The following ATP8A1 variants were observed in gnomAD, a reference collection of about 807,000 sequenced individuals.
ATP8A1 encodes ATPase phospholipid transporting 8A1.
In ATP8A1, 90 loss-of-function variants were observed where a neutral mutation model predicts 177.7. The ratio of observed to expected loss-of-function variants is 0.51; its 90% CI spans 0.43 to 0.60. The LOEUF (loss-of-function observed/expected upper bound fraction) is 0.60, where lower values mean the gene tolerates loss of function less well. ATP8A1 is among the 20% of genes least tolerant of loss of function. The probability of loss-of-function intolerance (pLI) is 0.00; values close to 1 mark genes in which losing one functional copy is unlikely to be tolerated. For missense variants in ATP8A1, 1,072 were observed against 1,392.8 expected (o/e 0.77, Z 3.67); for synonymous variants, 493 against 485.9 (o/e 1.01, Z -0.19).
chr4:42,591,792 C>G (rs557574977), intron 6 of ATP8A1, among the ~76,000 whole-genome samples: 13 of 152,168 alleles, frequency 8.5e-5, no homozygotes, highest in Admixed American at 6.5e-5. Context: ...TAATTTCAAA[C>G]TACCTCACAG....
At chr4:42,608,952 A>C (rs1736098084) in intron 5 of ATP8A1, among the ~76,000 whole-genome samples, 1 of 152,242 alleles carries the variant, frequency 6.6e-6, no homozygotes, top group Non-Finnish European at 1.5e-5. Context: ...GCACAAACTG[A>C]CATGGCACAG....
chr4:42,420,251 C>A (rs1713741120), intron 35 of ATP8A1, among the ~76,000 whole-genome samples: 1 of 152,210 alleles, frequency 6.6e-6, no homozygotes, highest in South Asian at 2.1e-4. Context: ...ACTATGGTTA[C>A]ACTGATCATT....
chr4:42,418,807 A>G (rs1713532966), intron 35 of ATP8A1, among the ~76,000 whole-genome samples: 1 of 152,242 alleles, frequency 6.6e-6, no homozygotes, highest in African/African-American at 2.4e-5. Context: ...GTAATATGGT[A>G]GGTGGCATAC....
chr4:42,453,604 T>A (rs927152213), intron 29 of ATP8A1, among the ~76,000 whole-genome samples: 2 of 152,228 alleles, frequency 1.3e-5, no homozygotes, highest in African/African-American at 4.8e-5. Context: ...CACAAAAATG[T>A]GTCCAAGTTG....
At chr4:42,518,759 T>C (rs192386399) in intron 22 of ATP8A1, among the ~76,000 whole-genome samples, 63 of 152,294 alleles carry the variant, frequency 4.1e-4, no homozygotes, top group Non-Finnish European at 7.9e-4. Flanking sequence ...ATAAACAGCA[T>C]GTCTCAGTTA....
At chr4:42,491,829 A>C (rs2153190616) in intron 24 of ATP8A1, among the ~76,000 whole-genome samples, 1 of 152,338 alleles carries the variant, frequency 6.6e-6, no homozygotes, top group Non-Finnish European at 1.5e-5. Context: ...GTTTACAGGA[A>C]AGACAGTATT....
intron 27 of ATP8A1, 31 bp downstream of exon 27, chr4:42,464,659 G>T: frequency 7.7e-7 from 1 of 1,302,708 alleles, no homozygotes; most frequent in South Asian, 1.4e-5. Flanking sequence ...GTATGCAAAT[G>T]ACAAGGATTT....
intron 33 of ATP8A1, among the ~76,000 whole-genome samples, chr4:42,428,988 A>T (rs960422786): frequency 1.3e-5 from 2 of 152,112 alleles, no homozygotes. Context: ...TACTCTCTTA[A>T]TTCTCATGAT....
Position 42,409,706 on chromosome 4 carries a change from T to C in ATP8A1, c.*3210A>G, listed in dbSNP as rs534599389. Reference sequence around the variant, plus strand: ...TTAAAACTATGAATAATACAATCTATTACTTTCTGACTAGCATTCATTTCC... The same window carrying C: ...TTAAAACTATGAATAATACAATCTACTACTTTCTGACTAGCATTCATTTCC... On this transcript the variant is annotated 3_prime_UTR_variant, in exon 37 of 37. Coordinates refer to ENST00000381668, the MANE Select transcript of ATP8A1 (RefSeq NM_006095.2). The C allele has an allele frequency of 2.0e-5, 3 of 152,308 alleles. No homozygotes were observed. Among genetic ancestry groups the C allele is most frequent in the Non-Finnish European group, 2.9e-5 (2 of 67,990 alleles). The allele number at this position is 152,308 out of a possible 1,614,324, so 9.4% of individuals were successfully genotyped here.
At chr4:42,649,013 A>G (rs967588586) in intron 1 of ATP8A1, among the ~76,000 whole-genome samples, 14 of 152,316 alleles carry the variant, frequency 9.2e-5, no homozygotes, top group African/African-American at 3.1e-4. Flanking sequence ...CAAAAGTCAT[A>G]AAAAGATATA....
chr4:42,527,258 CA>C (rs1219180924), intron 20 of ATP8A1, among the ~76,000 whole-genome samples: 8 of 152,116 alleles, frequency 5.3e-5, no homozygotes, highest in Non-Finnish European at 1.0e-4. Context: ...GGCTGACCCG[CA>C]AGGAAAGGTG....
rs1721246939 is a variant in ATP8A1, at chr4:42,477,888, T to C, written c.2324+7608A>G. ...ATCCCAGCTACTCAGGAGGCTGATG[T>C]GAGAGGACAGCTTGAGCCTTGGAGG... is the stretch of plus-strand genomic sequence containing the variant. On this transcript the variant is annotated intron_variant, in intron 25 of 36. Transcript: ENST00000381668. Among the ~76,000 whole-genome samples, 5 of 150,922 alleles carry C rather than the reference T, an allele frequency of 3.3e-5. 1 individual carries two copies. In the South Asian group the frequency reaches 1.0e-3, roughly 32 times the overall value.
intron 33 of ATP8A1, among the ~76,000 whole-genome samples, chr4:42,433,946 A>C (rs1715610466): frequency 1.3e-5 from 2 of 152,154 alleles, no homozygotes; most frequent in Admixed American, 1.3e-4. Context: ...ATTTTTATAA[A>C]AAATTTTTTG....
rs372431946 is a variant in ATP8A1 at position 42,455,495 on chromosome 4, A to G, written c.2694+30T>C. 1.9e-6 allele frequency: 3 copies of G among 1,613,460 alleles called. No homozygotes were observed. In the African/African-American group the frequency reaches 4.0e-5, roughly 22 times the overall value. ...CCTTTATCTCCCAAGTATTCAATGA[A>G]ACAGGAATTATCAAATGTCCTAAAC... is the stretch of plus-strand genomic sequence containing the variant. On this transcript the variant is annotated intron_variant, in intron 28 of 36. Coordinates refer to ENST00000381668, the MANE Select transcript of ATP8A1 (RefSeq NM_006095.2).
rs189021367 is a variant in ATP8A1, at chr4:42,413,038, A to G, written c.3398-25T>C. 4.1e-5 allele frequency: 65 copies of G among 1,600,184 alleles called. No homozygotes were observed. In the East Asian group the frequency reaches 1.4e-3, roughly 35 times the overall value. ...TCTGTAGGTTAATGATAAAACAGAA[A>G]TTCTCACAAAGGCACTGGAAACCAC... On this transcript the variant is annotated intron_variant, in intron 36 of 36. Transcript: ENST00000381668.
Position 42,656,820 on chromosome 4 carries a change from C to T in ATP8A1, c.49+5G>A. The stretch of plus-strand genomic sequence containing the variant: ...GGCTAGCCCCGAGCCTCGGCGGCCC[C>T]TTACCTTCGGCGCGCGAGCGGATCT... On this transcript the variant is annotated splice_donor_5th_base_variant and intron_variant, in intron 1 of 36. Coordinates refer to ENST00000381668, the MANE Select transcript of ATP8A1 (RefSeq NM_006095.2). 1.3e-6 allele frequency: 2 copies of T among 1,570,772 alleles called. No individual in the cohort carries two copies. Among genetic ancestry groups the T allele is most frequent in the South Asian group, 1.2e-5 (1 of 85,280 alleles).
chr4:42,632,787 T>G (rs933320317), intron 1 of ATP8A1, among the ~76,000 whole-genome samples: 3 of 152,138 alleles, frequency 2.0e-5, no homozygotes, highest in Admixed American at 6.5e-5. Context: ...GGCTGTGAGG[T>G]GAGCTCAAGT....
intron 30 of ATP8A1, among the ~76,000 whole-genome samples, chr4:42,448,456 G>C (rs1356381987): frequency 8.8e-5 from 11 of 124,346 alleles, no homozygotes; most frequent in Admixed American, 3.3e-4. Flanking sequence ...GGAGTGCAGT[G>C]ATGTGACCTC....
intron 8 of ATP8A1, among the ~76,000 whole-genome samples, 200 bp downstream of exon 8, chr4:42,588,060 A>G (rs1733805083): frequency 6.6e-6 from 1 of 152,228 alleles, no homozygotes; most frequent in Non-Finnish European, 1.5e-5. Flanking sequence ...TATAAGATAG[A>G]TCATATTTAA....
Sources: gnomAD v4.1 joint callset for allele counts (sites outside exome capture counted in the v4.1 genomes callset) on GRCh38, gnomAD v4.1.1 for gene constraint, MANE v1.5 for transcripts, NCBI Gene and HGNC (gene_info 2026-07-23, HGNC 2026-07-21) for gene names.